APBB2: variants seen among roughly 807,000 people sequenced by gnomAD.
The protein encoded by APBB2 is amyloid beta precursor protein binding family B member 2, also known as Fe65-like 1.
Under a neutral mutation model 82.5 loss-of-function variants are expected in APBB2, and 38 were observed. That is an observed-to-expected ratio of 0.46 (90% CI 0.36 to 0.60). The LOEUF (loss-of-function observed/expected upper bound fraction) is 0.60. APBB2 is among the 20% of genes least tolerant of loss of function. The pLI is 0.00. For missense variants in APBB2, 772 were observed against 972.3 expected (o/e 0.79, Z 2.74); for synonymous variants, 341 against 368.2 (o/e 0.93, Z 0.85).
In APBB2 at chr4:41,044,572, A is replaced by G. The variant is rs199546967; in HGVS notation, c.-50-11268T>C. Among the ~76,000 whole-genome samples the G allele has an allele frequency of 4.9e-4, 74 of 152,314 alleles. 1 individual carries two copies. The East Asian group carries it at 0.013, about 26-fold the overall frequency. On this transcript the variant is annotated intron_variant, in intron 4 of 17. Transcript: ENST00000508593. The stretch of plus-strand genomic sequence containing the variant: ...CCTCCACTGATTTTTTTGCATGTTC[A>G]TAAGTTTGTGTTCTTTATGTCTGAA...
chr4:41,062,292 C>T (rs773507491), intron 4 of APBB2, among the ~76,000 whole-genome samples: 2 of 152,098 alleles, frequency 1.3e-5, no homozygotes, highest in Non-Finnish European at 2.9e-5. Flanking sequence ...CCTGCCTCAG[C>T]CTCTCTCGTA....
At position 40,810,080 on chromosome 4, in the gene APBB2, C is replaced by CATAA. The variant is rs1189607818; in HGVS notation, c.*6008_*6011dup. 3 of 152,164 alleles carry CATAA rather than the reference C, an allele frequency of 2.0e-5. No homozygotes were observed. Among genetic ancestry groups the CATAA allele is most frequent in the South Asian group, 2.1e-4 (1 of 4,826 alleles). 9.4% of individuals were successfully genotyped at this position (152,164 alleles called of 1,614,324 possible). On this transcript the variant is annotated 3_prime_UTR_variant, in exon 18 of 18. Coordinates refer to ENST00000508593, the MANE Select transcript of APBB2 (RefSeq NM_004307.2). ...GCAATTCAGTTGTATAGAAATGTTACATAAATTCCTAAATGCTCAATTCAG... is the reference window on the plus strand; with the variant it reads ...GCAATTCAGTTGTATAGAAATGTTACATAAATAAATTCCTAAATGCTCAATTCAG...
At chr4:41,209,211 A>C (rs1196249211) in intron 1 of APBB2, among the ~76,000 whole-genome samples, 2 of 152,182 alleles carry the variant, frequency 1.3e-5, no homozygotes, top group African/African-American at 2.4e-5. Flanking sequence ...CAATGGGATA[A>C]CAACTCCTCA....
chr4:40,876,742 AT>A (rs554085148), intron 12 of APBB2, among the ~76,000 whole-genome samples: 47 of 152,176 alleles, frequency 3.1e-4, no homozygotes, highest in African/African-American at 9.9e-4. Flanking sequence ...TCATTGTTGT[AT>A]TTTTTTCCAA....
In APBB2 at chr4:41,006,120, T is replaced by C. The variant is rs992035918; in HGVS notation, c.835+7463A>G. Among the ~76,000 whole-genome samples the C allele has an allele frequency of 2.6e-5, 4 of 152,238 alleles. No homozygotes were observed. In the East Asian group the frequency reaches 7.7e-4, roughly 29 times the overall value. ...CAAAACTACTTTATTCACTGGAACA[T>C]ATATTTTTGCATAGAACTTTCCAAA... On this transcript the variant is annotated intron_variant, in intron 6 of 17. Transcript: ENST00000508593.
chr4:41,052,025 A>C (rs1726145189), intron 4 of APBB2, among the ~76,000 whole-genome samples: 1 of 152,178 alleles, frequency 6.6e-6, no homozygotes, highest in Non-Finnish European at 1.5e-5. Context: ...GTAAGTGTTA[A>C]CTGTCACCAA....
intron 17 of APBB2, among the ~76,000 whole-genome samples, chr4:40,818,545 T>C (rs1746622554): frequency 6.6e-6 from 1 of 152,236 alleles, no homozygotes; most frequent in Non-Finnish European, 1.5e-5. Context: ...TTCGCTTGGC[T>C]GAAATCTCCC....
intron 1 of APBB2, among the ~76,000 whole-genome samples, chr4:41,174,917 CACTT>C (rs1769341018): frequency 6.6e-6 from 1 of 152,214 alleles, no homozygotes; most frequent in African/African-American, 2.4e-5. Context: ...ACGATAGCAT[CACTT>C]ACATCATTTT....
intron 1 of APBB2, among the ~76,000 whole-genome samples, chr4:41,192,139 C>CA (rs1313033998): frequency 6.6e-6 from 1 of 152,096 alleles, no homozygotes; most frequent in Non-Finnish European, 1.5e-5. Context: ...CAAGAGATAA[C>CA]AAATGTTGTT....
rs563958991 is a variant in APBB2, at chr4:41,116,429, G to T, written c.-260-15679C>A. 5.9e-5 allele frequency among the ~76,000 whole-genome samples: 9 copies of T among 152,178 alleles called. No individual in the cohort carries two copies. The South Asian group carries it at 1.9e-3, about 32-fold the overall frequency. On this transcript the variant is annotated intron_variant, in intron 2 of 17. Coordinates refer to ENST00000508593, the MANE Select transcript of APBB2 (RefSeq NM_004307.2). ...GTATACCTATGTGGCAAACCTGCAC[G>T]TTCTGCACATGTACCCCAGAACTTA...
At chr4:40,949,395 T>C (rs1171911040) in intron 6 of APBB2, among the ~76,000 whole-genome samples, 1 of 152,202 alleles carries the variant, frequency 6.6e-6, no homozygotes, top group Non-Finnish European at 1.5e-5. Context: ...TGTATGATTT[T>C]CCTTGAAAAC....
intron 3 of APBB2, among the ~76,000 whole-genome samples, chr4:41,070,581 C>T (rs953509621): frequency 4.6e-5 from 7 of 152,172 alleles, no homozygotes; most frequent in Non-Finnish European, 8.8e-5. Context: ...GGACTACAGG[C>T]GTGAGCCACC....
At chr4:41,145,341 G>C (rs1205434249) in intron 1 of APBB2, among the ~76,000 whole-genome samples, 3 of 152,102 alleles carry the variant, frequency 2.0e-5, no homozygotes, top group East Asian at 3.9e-4. Flanking sequence ...CAGCCACACA[G>C]CCAGCAAAGC....
intron 3 of APBB2, among the ~76,000 whole-genome samples, chr4:41,071,487 C>G (rs1733858477): frequency 1.3e-5 from 2 of 152,120 alleles, no homozygotes; most frequent in Non-Finnish European, 2.9e-5. Flanking sequence ...TCGAGACCAG[C>G]CTGGCCAACA....
chr4:40,843,634 G>A (rs538763375), intron 12 of APBB2, among the ~76,000 whole-genome samples: 6 of 152,196 alleles, frequency 3.9e-5, no homozygotes, highest in Non-Finnish European at 8.8e-5. Flanking sequence ...GATAAAATAT[G>A]CAAATATCTA....
At chr4:40,993,517 T>C (rs1483098138) in intron 6 of APBB2, among the ~76,000 whole-genome samples, 1 of 151,914 alleles carries the variant, frequency 6.6e-6, no homozygotes, top group Non-Finnish European at 1.5e-5. Flanking sequence ...CCTGAGTAGC[T>C]GGGACTACAG....
intron 2 of APBB2, among the ~76,000 whole-genome samples, chr4:41,130,782 G>T (rs867088285): frequency 6.6e-6 from 1 of 151,866 alleles, no homozygotes; most frequent in Non-Finnish European, 1.5e-5. Context: ...CTCCCCATCC[G>T]CCCTCCCTTC....
At position 41,127,612 on chromosome 4, in the gene APBB2, A is replaced by T. The variant is rs1754750739; in HGVS notation, c.-261+15375T>A. ...AAAATATTCACAAACCATGCATCTG[A>T]CAAAGATCTAATATCCAGAATCTAG... On this transcript the variant is annotated intron_variant, in intron 2 of 17. Transcript: ENST00000508593. The surrounding 1 kb of genome is among the most constrained non-coding windows in gnomAD (Gnocchi z 4.8). Among the ~76,000 whole-genome samples the T allele has an allele frequency of 6.6e-6, 1 of 152,234 alleles. No individual in the cohort carries two copies. Among genetic ancestry groups the T allele is most frequent in the African/African-American group, 2.4e-5 (1 of 41,474 alleles).
chr4:41,163,915 T>C (rs529301615), intron 1 of APBB2, among the ~76,000 whole-genome samples: 1 of 152,230 alleles, frequency 6.6e-6, no homozygotes, highest in Admixed American at 6.5e-5. Context: ...TCAACCTACA[T>C]GAAATATAAA....
Sources: gnomAD v4.1 joint callset for allele counts (sites outside exome capture counted in the v4.1 genomes callset) on GRCh38, gnomAD v4.1.1 for gene constraint, Gnocchi (gnomAD v3.1) non-coding constraint, MANE v1.5 for transcripts, NCBI Gene and HGNC (gene_info 2026-07-23, HGNC 2026-07-21) for gene names.